Variants in ECPAS observed in about 807,000 individuals in gnomAD.
ECPAS encodes proteasome adapter and scaffold protein ECM29.
In ECPAS, 70 loss-of-function variants were observed where a neutral mutation model predicts 255.1. That is an observed-to-expected ratio of 0.27 (90% confidence interval 0.23 to 0.33). The LOEUF (loss-of-function observed/expected upper bound fraction) is 0.33. Among genes scored for constraint, ECPAS ranks in the 10% least tolerant of loss-of-function variants. The pLI is 1.00. For synonymous variants in ECPAS, 784 were observed against 775.0 expected, an observed-to-expected ratio of 1.01 and a Z score of -0.19; for missense variants, 1,817 against 2,206.4, an observed-to-expected ratio of 0.82 and a Z score of 3.54.
intron 2 of ECPAS, among the ~76,000 whole-genome samples, chr9:111,461,344 A>G (rs2098272867): frequency 6.6e-6 from 1 of 151,836 alleles, no homozygotes; most frequent in South Asian, 2.1e-4. Flanking sequence ...GTGCACCTGT[A>G]GTCCCTGCTA....
chr9:111,381,716 T>C (rs2098140707), intron 35 of ECPAS, among the ~76,000 whole-genome samples: 1 of 152,216 alleles, frequency 6.6e-6, no homozygotes, highest in African/African-American at 2.4e-5. Flanking sequence ...CTCTTTATCA[T>C]AATCATAATA....
intron 46 of ECPAS, among the ~76,000 whole-genome samples, chr9:111,368,738 C>G (rs899829594): frequency 2.0e-5 from 3 of 152,286 alleles, no homozygotes; most frequent in African/African-American, 7.2e-5. Flanking sequence ...GAAACTAACC[C>G]TGCTGACGCC....
chr9:111,435,866 T>TTTTA (rs2098237396), intron 7 of ECPAS, among the ~76,000 whole-genome samples: 1 of 149,164 alleles, frequency 6.7e-6, no homozygotes, highest in Admixed American at 6.7e-5. Context: ...TTTTTTTTTT[T>TTTTA]TTAAGAAGAA....
At chr9:111,401,142 T>C (rs1363064116) in intron 24 of ECPAS, among the ~76,000 whole-genome samples, 1 of 152,076 alleles carries the variant, frequency 6.6e-6, no homozygotes, top group East Asian at 1.9e-4. Flanking sequence ...AAGAAAAAAA[T>C]CCTTGCAACT....
chr9:111,425,633 A>G, intron 11 of ECPAS, 110 bp downstream of exon 11: 4 of 955,162 alleles, frequency 4.2e-6, no homozygotes, highest in Non-Finnish European at 6.2e-6. Context: ...ATTTTTAAAG[A>G]TGAGCAAACA....
intron 44 of ECPAS, 45 bp from the exon 45 acceptor site, chr9:111,370,672 G>A (rs769595416): frequency 1.2e-6 from 2 of 1,605,472 alleles, no homozygotes; most frequent in Non-Finnish European, 8.5e-7. Context: ...AAAGGCTGCA[G>A]TTTTCGGGTC....
intron 2 of ECPAS, among the ~76,000 whole-genome samples, chr9:111,452,002 G>A (rs551873175): frequency 6.6e-6 from 1 of 152,064 alleles, no homozygotes; most frequent in Non-Finnish European, 1.5e-5. Flanking sequence ...CTGTATTAGG[G>A]TTACCTAGTT....
intron 28 of ECPAS, 110 bp downstream of exon 28, chr9:111,392,658 C>T (rs1307806493): frequency 5.8e-6 from 4 of 686,124 alleles, no homozygotes; most frequent in Non-Finnish European, 9.8e-6. Context: ...TTAGAAAAGG[C>T]TTCATAAACC....
chr9:111,383,416 C>T, intron 34 of ECPAS, 84 bp from the exon 35 acceptor site: 1 of 1,480,186 alleles, frequency 6.8e-7, no homozygotes. Context: ...TTCTACTTCA[C>T]ATATCTACAG....
chr9:111,425,869 T>C, intron 10 of ECPAS, 41 bp from the exon 11 acceptor site: 1 of 983,606 alleles, frequency 1.0e-6, no homozygotes, highest in Non-Finnish European at 1.6e-6. Flanking sequence ...TTAATAAAAA[T>C]AAGAATTTAA....
At chr9:111,426,052 G>C (rs2098221094) in intron 10 of ECPAS, among the ~76,000 whole-genome samples, 1 of 152,216 alleles carries the variant, frequency 6.6e-6, no homozygotes, top group African/African-American at 2.4e-5. Context: ...AGTCTGCAAA[G>C]ATTGTGGGTC....
chr9:111,374,026 T>G lies in ECPAS; in HGVS notation c.4123A>C (p.Ser1375Arg). Residue 1375 changes from serine (S) to arginine (R), a missense_variant, in exon 39 of 50, where the codon AGT (serine) becomes CGT (arginine). Coordinates refer to ENST00000684092, the MANE Select transcript of ECPAS (RefSeq NM_001364929.1). ...TGAGTAGTTAATGACACAATGACAC[T>G]GGCACAGCCACCCTACAGGGTTACA... ...VGLGTKGGCASVIVSLTTQCP... is the reference protein window; with the variant it reads ...VGLGTKGGCARVIVSLTTQCP... 1 of 1,612,842 alleles carries G rather than the reference T, an allele frequency of 6.2e-7. No individual in the cohort carries two copies. The highest frequency in any genetic ancestry group is 8.5e-7 in the Non-Finnish European group (1 of 1,178,876).
chr9:111,393,581 C>T, intron 27 of ECPAS, 99 bp downstream of exon 27: 1 of 787,932 alleles, frequency 1.3e-6, no homozygotes. Context: ...TTTAATCACA[C>T]AGCTCAAGAA....
intron 1 of ECPAS, among the ~76,000 whole-genome samples, chr9:111,482,323 G>C (rs1299764691): frequency 6.6e-6 from 1 of 152,176 alleles, no homozygotes; most frequent in Non-Finnish European, 1.5e-5. Flanking sequence ...TGCTCCACCA[G>C]TTCTGTGTCA....
intron 1 of ECPAS, among the ~76,000 whole-genome samples, chr9:111,478,514 G>A (rs993294344): frequency 2.6e-5 from 4 of 152,032 alleles, no homozygotes; most frequent in Admixed American, 6.6e-5. Context: ...ACAACAGTGC[G>A]AGACTCCATC....
intron 8 of ECPAS, among the ~76,000 whole-genome samples, chr9:111,432,115 A>T (rs2098230894): frequency 1.3e-5 from 2 of 152,256 alleles, no homozygotes; most frequent in Admixed American, 1.3e-4. Flanking sequence ...ATTTGTTTTC[A>T]TATTTTAACA....
intron 2 of ECPAS, among the ~76,000 whole-genome samples, chr9:111,458,280 T>C (rs1042517473): frequency 1.4e-4 from 21 of 152,176 alleles, no homozygotes; most frequent in Admixed American, 1.1e-3. Flanking sequence ...CAGCATAAGA[T>C]TGCTTCATAA....
chr9:111,437,069 A>G lies in ECPAS; in HGVS notation c.579T>C (p.Ser193=). ...TGTTTGAAGAAGAACCCTGTGCTGA[A>G]GATGAATTTTGGCGACTCTGGGATT... ...LNESQSRQNS[S]SAQGSSSNSG... Residue 193 remains serine (S), a synonymous_variant, in exon 7 of 50, where the codon TCT becomes TCC. Coordinates refer to ENST00000684092, the MANE Select transcript of ECPAS (RefSeq NM_001364929.1). The G allele has an allele frequency of 6.2e-7, 1 of 1,610,606 alleles. No individual in the cohort carries two copies. The highest frequency in any genetic ancestry group is 8.5e-7 in the Non-Finnish European group (1 of 1,178,994).
chr9:111,411,796 C>T, intron 21 of ECPAS: 1 of 442,638 alleles, frequency 2.3e-6, no homozygotes, highest in Non-Finnish European at 3.9e-6. Flanking sequence ...TCACTGTACT[C>T]CTAGCACCTA....
Sources: gnomAD v4.1 joint callset for allele counts (sites outside exome capture counted in the v4.1 genomes callset) on GRCh38, gnomAD v4.1.1 for gene constraint, MANE v1.5 for transcripts, NCBI Gene and HGNC (gene_info 2026-07-23, HGNC 2026-07-21) for gene names.